Variants in KDM4C observed in about 807,000 individuals in gnomAD.
The protein encoded by KDM4C is lysine demethylase 4C, also known as lysine-specific demethylase 4C.
A neutral mutation model predicts 129.3 loss-of-function variants in KDM4C; 81 were observed. The ratio of observed to expected loss-of-function variants is 0.63; its 90% confidence interval spans 0.52 to 0.75. The LOEUF (loss-of-function observed/expected upper bound fraction) is 0.75, where lower values mean the gene tolerates loss of function less well. Ranked by LOEUF, KDM4C falls within the 30% of genes least tolerant of loss-of-function variation. The pLI, the probability that KDM4C is intolerant of heterozygous loss-of-function variation, is 0.00. For synonymous variants in KDM4C, 573 were observed against 456.1 expected, an observed-to-expected ratio of 1.26 and a Z score of -3.26; for missense variants, 1,457 against 1,304.0, an observed-to-expected ratio of 1.12 and a Z score of -1.81.
intron 17 of KDM4C, among the ~76,000 whole-genome samples, chr9:7,060,457 A>ATTG (rs1564062064): frequency 3.5e-5 from 1 of 28,572 alleles, no homozygotes; most frequent in African/African-American, 2.7e-4. Context: ...TATTGTTGTT[A>ATTG]TTATTATTAT....
At chr9:6,939,413 G>A (rs994213222) in intron 8 of KDM4C, among the ~76,000 whole-genome samples, 13 of 152,088 alleles carry the variant, frequency 8.5e-5, no homozygotes, top group Non-Finnish European at 1.8e-4. Context: ...ATTATGGTGA[G>A]TTGTGTGATT....
At chr9:7,104,683 A>G (rs1275342146) in intron 18 of KDM4C, among the ~76,000 whole-genome samples, 2 of 152,224 alleles carry the variant, frequency 1.3e-5, no homozygotes, top group African/African-American at 4.8e-5. Context: ...GCTACCAAAT[A>G]GGAGGCTAAA....
chr9:6,938,747 A>G (rs866768233), intron 8 of KDM4C, among the ~76,000 whole-genome samples: 3 of 152,192 alleles, frequency 2.0e-5, no homozygotes, highest in African/African-American at 4.8e-5. Flanking sequence ...TACTTCTGCT[A>G]TGCAAATCAT....
rs551925666 is a variant in KDM4C, at chr9:6,734,066, C to A, written c.49+13069C>A. Among the ~76,000 whole-genome samples, 6 of 152,274 alleles carry A rather than the reference C, an allele frequency of 3.9e-5. No homozygotes were observed. In the South Asian group the frequency reaches 6.2e-4, roughly 16 times the overall value. On this transcript the variant is annotated intron_variant, in intron 1 of 17. Transcript: ENST00000536108. The stretch of plus-strand genomic sequence containing the variant: ...CTGTGACTTAGAATGCGTTAACCGT[C>A]TGAGAATGCAGCCCAGTGGGTCTCA...
intron 4 of KDM4C, among the ~76,000 whole-genome samples, chr9:6,836,564 T>C (rs1174828200): frequency 6.6e-6 from 1 of 152,164 alleles, no homozygotes; most frequent in Non-Finnish European, 1.5e-5. Context: ...GCCACCCCCA[T>C]CACTCTGGGG....
intron 3 of KDM4C, among the ~76,000 whole-genome samples, chr9:6,809,337 C>T (rs1349199922): frequency 6.6e-6 from 1 of 152,176 alleles, no homozygotes; most frequent in East Asian, 1.9e-4. Context: ...AACAAGATTG[C>T]AGAGGCAATT....
At chr9:6,894,666 C>A (rs372241710) in intron 8 of KDM4C, among the ~76,000 whole-genome samples, 1 of 152,146 alleles carries the variant, frequency 6.6e-6, no homozygotes, top group Non-Finnish European at 1.5e-5. Flanking sequence ...AGCTAAACTA[C>A]CATGTACATT....
intron 5 of KDM4C, among the ~76,000 whole-genome samples, chr9:6,857,351 C>T (rs1415507717): frequency 6.6e-6 from 1 of 152,128 alleles, no homozygotes; most frequent in Non-Finnish European, 1.5e-5. Flanking sequence ...TGGAAATATA[C>T]CAAAAAGTAT....
intron 17 of KDM4C, among the ~76,000 whole-genome samples, chr9:7,055,095 T>C (rs896222445): frequency 4.6e-5 from 7 of 152,066 alleles, no homozygotes; most frequent in African/African-American, 1.7e-4. Flanking sequence ...GGAGAATTGC[T>C]TGAACCTGGG....
At chr9:6,940,899 AC>A (rs59316086) in intron 8 of KDM4C, among the ~76,000 whole-genome samples, 38,478 of 152,106 alleles carry the variant, frequency 0.25, 5,341 homozygotes, top group South Asian at 0.4. Flanking sequence ...CAAGAAAAAA[AC>A]GTATCATTCT....
chr9:6,807,564 C>T (rs1017092358), intron 3 of KDM4C, among the ~76,000 whole-genome samples: 8 of 150,258 alleles, frequency 5.3e-5, no homozygotes, highest in African/African-American at 2.0e-4. Flanking sequence ...AGCGCCTCTG[C>T]CCGGCCGAGA....
intron 15 of KDM4C, among the ~76,000 whole-genome samples, chr9:7,023,527 C>A (rs1319458414): frequency 1.3e-5 from 2 of 151,946 alleles, no homozygotes; most frequent in Non-Finnish European, 2.9e-5. Context: ...GATCTTCTCT[C>A]CTTTTTTCTT....
At chr9:6,739,465 A>G (rs1384151050) in intron 1 of KDM4C, among the ~76,000 whole-genome samples, 1 of 152,102 alleles carries the variant, frequency 6.6e-6, no homozygotes, top group African/African-American at 2.4e-5. Flanking sequence ...ACTGGACACA[A>G]TCATGTGTTT....
At chr9:6,757,877 G>C, upstream of KDM4C, 1 of 985,572 alleles carries the variant, frequency 1.0e-6, no homozygotes, top group Non-Finnish European at 1.2e-6. Flanking sequence ...CAAAGCAAGA[G>C]CGTGCCGGGC....
intron 19 of KDM4C, among the ~76,000 whole-genome samples, chr9:7,143,960 A>C (rs1384620114): frequency 6.6e-6 from 1 of 152,228 alleles, no homozygotes; most frequent in African/African-American, 2.4e-5. Flanking sequence ...ACTCACAGAG[A>C]TAGAAGCTGT....
intron 8 of KDM4C, among the ~76,000 whole-genome samples, chr9:6,921,447 G>T (rs186655646): frequency 1.3e-5 from 2 of 152,234 alleles, no homozygotes. Flanking sequence ...CAAACACTCT[G>T]GGAGTCATCA....
intron 8 of KDM4C, among the ~76,000 whole-genome samples, chr9:6,926,198 C>T (rs954746414): frequency 6.7e-6 from 1 of 148,460 alleles, no homozygotes; most frequent in Non-Finnish European, 1.5e-5. Context: ...TTCCTTCTTC[C>T]AGGAAAACAT....
intron 17 of KDM4C, among the ~76,000 whole-genome samples, chr9:7,060,935 TC>T (rs1416240313): frequency 1.3e-5 from 2 of 152,204 alleles, no homozygotes; most frequent in Non-Finnish European, 2.9e-5. Flanking sequence ...TGTCCTTACT[TC>T]CCTTTCCTCA....
In KDM4C at chr9:6,972,774, A is replaced by T. The variant is rs7021864; in HGVS notation, c.922-8151A>T. On this transcript the variant is annotated intron_variant, in intron 8 of 21. Transcript: ENST00000381309. ...AACTGATTTAAATCCAGTTCTTCTC[A>T]TTTTGATTTATTAGAATAATAATGA... Among the ~76,000 whole-genome samples the T allele has an allele frequency of 4.9e-3, 753 of 152,238 alleles. 6 individuals are homozygous for T. The highest frequency in any genetic ancestry group is 0.016 in the African/African-American group (679 of 41,552).
Sources: allele counts gnomAD v4.1 joint callset (sites outside exome capture counted in the v4.1 genomes callset), GRCh38; gene constraint gnomAD v4.1.1; transcripts MANE v1.5; gene names NCBI Gene and HGNC (gene_info 2026-07-23, HGNC 2026-07-21).